Variants in KIF9 observed in about 807,000 individuals in gnomAD.
KIF9 encodes kinesin-like protein KIF9.
Under a neutral mutation model 94.8 loss-of-function variants are expected in KIF9, and 68 were observed. That is an observed-to-expected ratio of 0.72 (90% CI 0.59 to 0.88). The LOEUF is 0.88. Ranked by LOEUF, KIF9 falls within the 40% of genes least tolerant of loss-of-function variation. The pLI, the probability that KIF9 is intolerant of heterozygous loss-of-function variation, is 0.00. For synonymous variants in KIF9, 343 were observed against 362.1 expected (o/e 0.95, Z 0.60); for missense variants, 882 against 982.5 (o/e 0.90, Z 1.37).
chr3:47,263,794 G>A, intron 9 of KIF9: 1 of 455,124 alleles, frequency 2.2e-6, no homozygotes, highest in Non-Finnish European at 4.4e-6. Context: ...AGGCCCAAGG[G>A]CATTTAAGAC....
chr3:47,263,858 T>C (rs762854706), intron 9 of KIF9: 1 of 457,174 alleles, frequency 2.2e-6, no homozygotes, highest in South Asian at 1.5e-5. Flanking sequence ...AGGTGCTTAA[T>C]ACCATCTGCT....
chr3:47,248,271 G>A (rs1382133780), intron 10 of KIF9, 185 bp from the exon 11 acceptor site: 2 of 599,842 alleles, frequency 3.3e-6, no homozygotes, highest in South Asian at 3.9e-5. Context: ...TCCCTAACTG[G>A]GGTGAGTTTA....
At chr3:47,233,941 A>C (rs546144626) in intron 20 of KIF9, among the ~76,000 whole-genome samples, 1 of 151,850 alleles carries the variant, frequency 6.6e-6, no homozygotes, top group South Asian at 2.1e-4. Context: ...AATACAAAAA[A>C]TTAGCCGGGC....
chr3:47,271,566 A>T lies in KIF9; in HGVS notation c.367-105T>A, dbSNP rs939854836. On this transcript the variant is annotated intron_variant, in intron 4 of 20. Transcript: ENST00000684063. ...AAGGGAACATCAAGATGTATAGAAT[A>T]ATTATTGTCCTAAAGGAATTGGGTG... 8 of 790,652 alleles carry T rather than the reference A, an allele frequency of 1.0e-5. No individual in the cohort carries two copies. The African/African-American group carries it at 1.4e-4, about 14-fold the overall frequency. 49.0% of individuals were successfully genotyped at this position (790,652 alleles called of 1,614,324 possible). A position where few individuals can be genotyped will look rare whatever the true frequency, so the allele number is the denominator to read the frequency against.
rs1701891842 is a variant in KIF9, at chr3:47,275,316, T to G, written c.259+9A>C. On this transcript the variant is annotated intron_variant, in intron 3 of 20. Transcript: ENST00000684063. ...CTTACATAAGACAACATTTAATTAA[T>G]TAAGTTACCATTATAGCCATCGAGG... The G allele has an allele frequency of 6.3e-7, 1 of 1,586,442 alleles. No homozygotes were observed. Among genetic ancestry groups the G allele is most frequent in the South Asian group, 1.1e-5 (1 of 87,030 alleles).
rs768988438 is a variant in KIF9, at chr3:47,275,489, C to A, written c.95G>T (p.Ser32Ile). The A allele has an allele frequency of 1.1e-5, 17 of 1,595,518 alleles. No homozygotes were observed. In the South Asian group the frequency reaches 1.8e-4, roughly 17 times the overall value. Residue 32 changes from serine to isoleucine, a missense_variant and splice_region_variant, in exon 3 of 21, where the codon AGC becomes ATC. By Grantham distance (142) the Ser-to-Ile change is moderately radical. Transcript: ENST00000684063. The part of the protein sequence containing the change: ...EMIRYGDDKR[S>I]IDIHLKKDIR... ...GTCTTTTTTTAAGTGAATATCAATG[C>A]TCTAGGAAAAAAGAGTGAGAAAGAA...
intron 17 of KIF9, chr3:47,238,480 A>C (rs1207907371): frequency 1.3e-5 from 2 of 152,070 alleles, no homozygotes; most frequent in African/African-American, 4.8e-5. Flanking sequence ...CAGCCTCCCA[A>C]AGTGCTGAGA....
chr3:47,265,767 C>T lies in KIF9; in HGVS notation c.879G>A (p.Arg293=), dbSNP rs775440273. The change falls in exon 8 of 21, where the codon CGG becomes CGA. Residue 293 remains arginine, a synonymous_variant. Transcript: ENST00000684063. ...TCAGAGCGTGGGTGAGCTTGCACTG[C>T]CGAAAGGGGATGTGGTCCCGCTTCT... The part of the protein sequence containing the change: ...GDQKRDHIPF[R]QCKLTHALKD... The T allele has an allele frequency of 2.3e-5, 37 of 1,614,060 alleles. No homozygotes were observed. Among genetic ancestry groups the T allele is most frequent in the Non-Finnish European group, 2.6e-5 (31 of 1,180,026 alleles).
At chr3:47,238,697 G>A (rs983086590) in intron 17 of KIF9, 3 of 151,596 alleles carry the variant, frequency 2.0e-5, no homozygotes, top group Non-Finnish European at 4.4e-5. Flanking sequence ...GTCTCGTTCT[G>A]TCTCCCAGGC....
At chr3:47,261,859 C>T (rs571015607) in intron 9 of KIF9, among the ~76,000 whole-genome samples, 12 of 152,328 alleles carry the variant, frequency 7.9e-5, no homozygotes, top group African/African-American at 2.9e-4. Context: ...CAAGTACAGC[C>T]GCAAGTATGG....
chr3:47,245,344 A>G, intron 14 of KIF9, 77 bp downstream of exon 14: 1 of 1,081,956 alleles, frequency 9.2e-7, no homozygotes, highest in Non-Finnish European at 1.4e-6. Flanking sequence ...TAATGCATTA[A>G]TACTTGCTGG....
intron 10 of KIF9, among the ~76,000 whole-genome samples, chr3:47,254,629 G>A (rs1422822320): frequency 6.6e-6 from 1 of 152,084 alleles, no homozygotes; most frequent in African/African-American, 2.4e-5. Flanking sequence ...ACAAAAAAGT[G>A]TAGGTATTTT....
chr3:47,260,831 T>G (rs1700922325), intron 9 of KIF9, among the ~76,000 whole-genome samples: 1 of 151,190 alleles, frequency 6.6e-6, no homozygotes. Flanking sequence ...GCCAGAGGAG[T>G]AGTTTGCCAG....
At chr3:47,262,566 C>T (rs1208627891) in intron 9 of KIF9, among the ~76,000 whole-genome samples, 2 of 152,200 alleles carry the variant, frequency 1.3e-5, no homozygotes, top group Non-Finnish European at 2.9e-5. Context: ...AGCCATTACA[C>T]CTGGCCTCAA....
chr3:47,277,970 C>T (rs1259948759), intron 1 of KIF9, among the ~76,000 whole-genome samples: 3 of 151,760 alleles, frequency 2.0e-5, no homozygotes, highest in Non-Finnish European at 4.4e-5. Context: ...TAAAACCTAA[C>T]TATATTCTCA....
intron 17 of KIF9, among the ~76,000 whole-genome samples, chr3:47,236,869 G>A (rs1369647600): frequency 6.6e-6 from 1 of 152,228 alleles, no homozygotes; most frequent in East Asian, 1.9e-4. Context: ...GCAGAGGGCA[G>A]GGGAAGGTAC....
chr3:47,265,024 A>G (rs535789510), intron 8 of KIF9, among the ~76,000 whole-genome samples: 1 of 152,380 alleles, frequency 6.6e-6, no homozygotes, highest in South Asian at 2.1e-4. Flanking sequence ...TCCAGTCTCC[A>G]GAACTATGTG....
At chr3:47,248,400 A>G (rs1428986734) in intron 10 of KIF9, among the ~76,000 whole-genome samples, 1 of 151,862 alleles carries the variant, frequency 6.6e-6, no homozygotes, top group Non-Finnish European at 1.5e-5. Flanking sequence ...CTTCCAGTCT[A>G]CCAGGATAAT....
intron 1 of KIF9, among the ~76,000 whole-genome samples, chr3:47,278,879 G>A (rs1320079600): frequency 1.3e-5 from 2 of 152,186 alleles, no homozygotes; most frequent in Non-Finnish European, 2.9e-5. Flanking sequence ...GGCTGAGGCA[G>A]GAGAATCGCT....
Sources: gnomAD v4.1 joint callset for allele counts (sites outside exome capture counted in the v4.1 genomes callset) on GRCh38, gnomAD v4.1.1 for gene constraint, MANE v1.5 for transcripts, NCBI Gene and HGNC (gene_info 2026-07-23, HGNC 2026-07-21) for gene names.